The following ACAT1 variants were observed in gnomAD, a reference collection of about 807,000 sequenced individuals.
The protein encoded by ACAT1 is acetyl-CoA acetyltransferase, mitochondrial.
A neutral mutation model predicts 47.3 loss-of-function variants in ACAT1; 28 were observed. The ratio of observed to expected loss-of-function variants is 0.59; its 90% CI spans 0.44 to 0.81. The LOEUF (loss-of-function observed/expected upper bound fraction) is 0.81, where lower values mean the gene tolerates loss of function less well. ACAT1 is among the 30% of genes least tolerant of loss of function. The probability of loss-of-function intolerance (pLI) is 0.00; values close to 1 mark genes in which losing one functional copy is unlikely to be tolerated. For synonymous variants in ACAT1, 181 were observed against 173.6 expected (o/e 1.04, Z -0.34); for missense variants, 469 against 524.3 (o/e 0.89, Z 1.03).
chr11:108,139,460 G>T (rs1340362343), intron 6 of ACAT1, among the ~76,000 whole-genome samples: 2 of 151,728 alleles, frequency 1.3e-5, no homozygotes, highest in African/African-American at 4.8e-5. Flanking sequence ...AGGCGTGGTG[G>T]TGGTGTCTGT....
intron 5 of ACAT1, chr11:108,138,661 TG>T (rs1366780735): frequency 2.0e-6 from 1 of 490,728 alleles, no homozygotes; most frequent in African/African-American, 2.0e-5. Flanking sequence ...CCTTCTAAAG[TG>T]CTGGGATTAC....
At chr11:108,143,498 C>G (rs1477382722) in intron 9 of ACAT1, 1 of 152,356 alleles carries the variant, frequency 6.6e-6, no homozygotes, top group Non-Finnish European at 1.5e-5. Flanking sequence ...CGATTTTTAG[C>G]TGCAGAAATC....
intron 1 of ACAT1, among the ~76,000 whole-genome samples, chr11:108,129,567 C>T (rs1331941807): frequency 6.6e-6 from 1 of 152,092 alleles, no homozygotes; most frequent in Non-Finnish European, 1.5e-5. Flanking sequence ...TGGGGTTTCA[C>T]CATGTTGGCC....
chr11:108,121,730 C>G (rs1217129924), intron 1 of ACAT1, 52 bp downstream of exon 1: 24 of 1,532,026 alleles, frequency 1.6e-5, no homozygotes, highest in Non-Finnish European at 2.1e-5. Context: ...GAGGAGTCCC[C>G]GCCTCGGAAG....
At chr11:108,137,386 TTTATA>T (rs2077488066) in intron 5 of ACAT1, among the ~76,000 whole-genome samples, 1 of 152,134 alleles carries the variant, frequency 6.6e-6, no homozygotes, top group African/African-American at 2.4e-5. Context: ...CTGTAAAGGC[TTTATA>T]TATTATGCTG....
intron 5 of ACAT1, chr11:108,136,670 A>G (rs1347536929): frequency 6.6e-6 from 1 of 152,172 alleles, no homozygotes; most frequent in African/African-American, 2.4e-5. Flanking sequence ...AATATTTATG[A>G]CCTTAGAAAA....
chr11:108,141,694 GA>G lies in ACAT1; in HGVS notation c.824del (p.Asn275MetfsTer4), dbSNP rs1163072872. On this transcript the variant is annotated frameshift_variant, in exon 8 of 12. Coordinates refer to ENST00000265838, the MANE Select transcript of ACAT1 (RefSeq NM_000019.4). LOFTEE classifies it high-confidence loss of function. ...VPKLKTVFQK[E>X]NGTVTAANAS... Reference sequence around the variant, plus strand: ...AAAGCTGAAGACAGTTTTCCAGAAAGAAAATGGTTAGTGTTAAGAAATGAAG... The same window carrying G: ...AAAGCTGAAGACAGTTTTCCAGAAAGAAATGGTTAGTGTTAAGAAATGAAG... 9.3e-6 allele frequency: 15 copies of G among 1,610,872 alleles called. No homozygotes were observed. The highest frequency in any genetic ancestry group is 1.1e-5 in the Non-Finnish European group (13 of 1,177,418).
At chr11:108,139,710 G>C (rs919371199) in intron 6 of ACAT1, among the ~76,000 whole-genome samples, 1 of 152,114 alleles carries the variant, frequency 6.6e-6, no homozygotes, top group South Asian at 2.1e-4. Context: ...GCCCAGGCTG[G>C]AGTGCAGTGG....
intron 5 of ACAT1, among the ~76,000 whole-genome samples, chr11:108,135,781 TTGTACCAC>T: frequency 6.6e-6 from 1 of 152,094 alleles, no homozygotes; most frequent in Non-Finnish European, 1.5e-5. Flanking sequence ...TGAGCTGAGA[TTGTACCAC>T]TGCACTCCAA....
intron 1 of ACAT1, among the ~76,000 whole-genome samples, chr11:108,122,507 G>T (rs1047543502): frequency 5.9e-5 from 9 of 152,242 alleles, no homozygotes; most frequent in Non-Finnish European, 1.5e-5. Context: ...CCCTAGTTAA[G>T]TAGGGATTGT....
chr11:108,142,646 G>A, intron 9 of ACAT1, 96 bp downstream of exon 9: 2 of 946,676 alleles, frequency 2.1e-6, no homozygotes, highest in East Asian at 2.6e-5. Flanking sequence ...AAATCAGCCT[G>A]GGCAATATAG....
intron 10 of ACAT1, among the ~76,000 whole-genome samples, chr11:108,145,016 G>C (rs2077675771): frequency 6.6e-6 from 1 of 152,174 alleles, no homozygotes; most frequent in Non-Finnish European, 1.5e-5. Context: ...ACTAGTAGAA[G>C]AGAGGAAGAT....
chr11:108,147,330 T>C lies in ACAT1; in HGVS notation c.1224T>C (p.Gly408=), dbSNP rs1218523313. The C allele has an allele frequency of 1.2e-6, 2 of 1,614,012 alleles. No individual in the cohort carries two copies. The highest frequency in any genetic ancestry group is 1.7e-6 in the Non-Finnish European group (2 of 1,179,936). The change falls in exon 12 of 12, where the codon GGT becomes GGC. Residue 408 remains glycine (G), a synonymous_variant. Transcript: ENST00000265838. ...ATGCCTTGAAGCAAGGAGAATACGG[T>C]CTTGCCAGTATTTGCAATGGAGGAG... is the stretch of plus-strand genomic sequence containing the variant. The part of the protein sequence containing the change: ...LTHALKQGEY[G]LASICNGGGG...
At chr11:108,125,189 T>A (rs1277887195) in intron 1 of ACAT1, among the ~76,000 whole-genome samples, 1 of 152,222 alleles carries the variant, frequency 6.6e-6, no homozygotes, top group Non-Finnish European at 1.5e-5. Context: ...CTGGAACAAT[T>A]AGAATGTGCA....
At position 108,142,490 on chromosome 11, in the gene ACAT1, G is replaced by C; in HGVS notation, c.880G>C (p.Val294Leu). 6.2e-7 allele frequency: 1 copy of C among 1,614,162 alleles called. No homozygotes were observed. Among genetic ancestry groups the C allele is most frequent in the Non-Finnish European group, 8.5e-7 (1 of 1,180,030 alleles). The change falls in exon 9 of 12, where the codon GTT becomes CTT. Residue 294 changes from valine to leucine, a missense_variant. Val to Leu is a conservative substitution (Grantham distance 32). Coordinates refer to ENST00000265838, the MANE Select transcript of ACAT1 (RefSeq NM_000019.4). Reference protein sequence around the residue: ...STLNDGAAALVLMTADAAKRL... With the variant: ...STLNDGAAALLLMTADAAKRL... The stretch of plus-strand genomic sequence containing the variant: ...ACTGAATGATGGAGCAGCTGCTCTG[G>C]TTCTCATGACGGCAGATGCAGCGAA...
chr11:108,121,172 G>A, upstream of ACAT1: 1 of 275,356 alleles, frequency 3.6e-6, no homozygotes, highest in Admixed American at 4.9e-5. Flanking sequence ...CTGCACTCCA[G>A]CTTGGGTGAC....
intron 5 of ACAT1, chr11:108,136,171 C>T (rs1286972153): frequency 5.1e-6 from 3 of 582,658 alleles, no homozygotes; most frequent in Non-Finnish European, 9.1e-6. Flanking sequence ...CTGAGCCCTT[C>T]ATTTTTCAGA....
upstream of ACAT1, among the ~76,000 whole-genome samples, chr11:108,120,747 T>C (rs1046671334): frequency 6.6e-6 from 1 of 152,086 alleles, no homozygotes; most frequent in Non-Finnish European, 1.5e-5. Flanking sequence ...GGACTGAGCC[T>C]GGAATTTGAT....
chr11:108,121,804 C>T (rs2077155562), intron 1 of ACAT1, 126 bp downstream of exon 1: 2 of 1,076,864 alleles, frequency 1.9e-6, no homozygotes, highest in East Asian at 2.6e-5. Flanking sequence ...CCAGGACAGT[C>T]ACGCGACGGG....
Sources: gnomAD v4.1 joint callset for allele counts (sites outside exome capture counted in the v4.1 genomes callset) on GRCh38, gnomAD v4.1.1 for gene constraint, MANE v1.5 for transcripts, NCBI Gene and HGNC (gene_info 2026-07-23, HGNC 2026-07-21) for gene names.